The following SAMD12 variants were observed in gnomAD, a reference collection of about 807,000 sequenced individuals.
SAMD12 encodes the protein sterile alpha motif domain containing 12.
Under a neutral mutation model 15.0 loss-of-function variants are expected in SAMD12, and 9 were observed. The ratio of observed to expected loss-of-function variants is 0.60; its 90% CI spans 0.36 to 1.05. The LOEUF (loss-of-function observed/expected upper bound fraction) is 1.05, where lower values mean the gene tolerates loss of function less well. Among genes scored for constraint, SAMD12 ranks in the 50% least tolerant of loss-of-function variants. The probability of loss-of-function intolerance (pLI) is 0.01; values close to 1 mark genes in which losing one functional copy is unlikely to be tolerated. For missense variants in SAMD12, 230 were observed against 234.2 expected (o/e 0.98, Z 0.12); for synonymous variants, 86 against 90.1 (o/e 0.96, Z 0.25).
chr8:118,315,880 T>A (rs1815870826), intron 4 of SAMD12, among the ~76,000 whole-genome samples: 1 of 152,076 alleles, frequency 6.6e-6, no homozygotes, highest in South Asian at 2.1e-4. Context: ...TATTACCAGG[T>A]TTCCCCCTGA....
At chr8:118,297,208 G>A (rs897039698) in intron 4 of SAMD12, among the ~76,000 whole-genome samples, 4 of 152,152 alleles carry the variant, frequency 2.6e-5, no homozygotes, top group African/African-American at 9.7e-5. Context: ...TGTTCACCAT[G>A]GCTCACCATG....
chr8:118,474,176 G>C (rs914899154), intron 2 of SAMD12, among the ~76,000 whole-genome samples: 1 of 152,136 alleles, frequency 6.6e-6, no homozygotes, highest in East Asian at 1.9e-4. Flanking sequence ...GGCCAGGCTG[G>C]TGTCGAACTC....
chr8:118,342,085 T>C (rs1379917112), intron 4 of SAMD12, among the ~76,000 whole-genome samples: 1 of 151,992 alleles, frequency 6.6e-6, no homozygotes, highest in Non-Finnish European at 1.5e-5. Context: ...AGGTCAGGAG[T>C]TCGAGACCAG....
intron 4 of SAMD12, among the ~76,000 whole-genome samples, chr8:118,287,372 G>T (rs1460696606): frequency 6.7e-6 from 1 of 149,012 alleles, no homozygotes; most frequent in Non-Finnish European, 1.5e-5. Context: ...TGATCCGCCC[G>T]CCTCGGCCTC....
At chr8:118,275,102 GTA>G (rs1813441554) in intron 4 of SAMD12, among the ~76,000 whole-genome samples, 1 of 152,084 alleles carries the variant, frequency 6.6e-6, no homozygotes, top group African/African-American at 2.4e-5. Context: ...TATGTCTATT[GTA>G]GACATACTTT....
At chr8:118,229,530 T>C (rs1412690081) in intron 4 of SAMD12, among the ~76,000 whole-genome samples, 4 of 152,128 alleles carry the variant, frequency 2.6e-5, no homozygotes, top group Non-Finnish European at 5.9e-5. Flanking sequence ...CCTTTCTAAC[T>C]TCACTATGGA....
intron 3 of SAMD12, among the ~76,000 whole-genome samples, chr8:118,424,229 T>A (rs1026484966): frequency 1.3e-5 from 2 of 152,200 alleles, no homozygotes; most frequent in African/African-American, 2.4e-5. Flanking sequence ...ATTTATATAA[T>A]TCTTTACATA....
At chr8:118,136,761 T>C in the SAMD12 span, among the ~76,000 whole-genome samples, 1 of 152,318 alleles carries the variant, frequency 6.6e-6, no homozygotes, top group South Asian at 2.1e-4. Flanking sequence ...GGAGTCACTT[T>C]AATGTCTGCT....
intron 2 of SAMD12, among the ~76,000 whole-genome samples, chr8:118,511,271 A>G (rs1035957488): frequency 1.3e-5 from 2 of 152,214 alleles, no homozygotes; most frequent in African/African-American, 4.8e-5. Context: ...ATCGATTCTT[A>G]TTTAGAGGAA....
At chr8:118,133,010 A>G in the SAMD12 span, among the ~76,000 whole-genome samples, 20 of 107,120 alleles carry the variant, frequency 1.9e-4, 1 homozygote, top group African/African-American at 3.1e-4. Flanking sequence ...ATATATATAT[A>G]TATATATATA....
intron 2 of SAMD12, among the ~76,000 whole-genome samples, chr8:118,497,732 G>GGT (rs1824663260): frequency 1.1e-5 from 1 of 93,444 alleles, no homozygotes; most frequent in Non-Finnish European, 2.0e-5. Flanking sequence ...GCGGGGGGGG[G>GGT]TGGGGGGAAA....
Position 118,337,649 on chromosome 8 carries a change from G to A in SAMD12, c.433+41911C>T, listed in dbSNP as rs1001076625. On this transcript the variant is annotated intron_variant, in intron 4 of 4. Transcript: ENST00000409003. ...CCAAAGAGGGACATAAACTCAGCGT[G>A]TATCCACACTGTAGACACTCCCTCC... 4.6e-5 allele frequency among the ~76,000 whole-genome samples: 7 copies of A among 152,302 alleles called. No homozygotes were observed. In the South Asian group the frequency reaches 8.3e-4, roughly 18 times the overall value.
intron 4 of SAMD12, among the ~76,000 whole-genome samples, chr8:118,353,707 T>C (rs1818078490): frequency 6.6e-6 from 1 of 152,186 alleles, no homozygotes; most frequent in South Asian, 2.1e-4. Flanking sequence ...TTTATTTCCA[T>C]TTCCTTTCCC....
In SAMD12 at chr8:118,273,157, C is replaced by T. The variant is rs113028650; in HGVS notation, c.434-75425G>A. Among the ~76,000 whole-genome samples, 203 of 152,184 alleles carry T rather than the reference C, an allele frequency of 1.3e-3. 1 individual carries two copies. The highest frequency in any genetic ancestry group is 3.9e-3 in the African/African-American group (161 of 41,508). On this transcript the variant is annotated intron_variant, in intron 4 of 4. Transcript: ENST00000409003. ...CTCACAGTTCAGCATGCTGGGGAGA[C>T]CTCAGGAAACTTACAATCATAGAAG...
At chr8:118,447,313 T>TC (rs1436173732) in intron 2 of SAMD12, among the ~76,000 whole-genome samples, 1 of 151,988 alleles carries the variant, frequency 6.6e-6, no homozygotes, top group Non-Finnish European at 1.5e-5. Flanking sequence ...TTTTTTTTTT[T>TC]CTTTTTTGAG....
intron 2 of SAMD12, among the ~76,000 whole-genome samples, chr8:118,548,991 G>C (rs1388267974): frequency 6.6e-6 from 1 of 152,268 alleles, no homozygotes; most frequent in Non-Finnish European, 1.5e-5. Flanking sequence ...GCCCGCCATT[G>C]CGCAGGCTTG....
rs112780663 is a variant in SAMD12, at chr8:118,250,503, ATT to A, written c.434-52773_434-52772del. The stretch of plus-strand genomic sequence containing the variant: ...TAAAATGCCAGGAAGGCAAAAATGG[ATT>A]TTTTTTTTTTTTTTTGAGGCAGGGT... On this transcript the variant is annotated intron_variant, in intron 4 of 4. Transcript: ENST00000409003. 2.9e-3 allele frequency among the ~76,000 whole-genome samples: 407 copies of A among 138,674 alleles called. 1 individual carries two copies. Among genetic ancestry groups the A allele is most frequent in the African/African-American group, 9.4e-3 (357 of 37,966 alleles). The allele number at this position is 138,674 out of a possible 152,430, so 91.0% of individuals were successfully genotyped here. A position where few individuals can be genotyped will look rare whatever the true frequency, so the allele number is the denominator to read the frequency against.
intron 4 of SAMD12, among the ~76,000 whole-genome samples, chr8:118,276,785 G>A (rs970449672): frequency 6.6e-6 from 1 of 152,120 alleles, no homozygotes; most frequent in Non-Finnish European, 1.5e-5. Flanking sequence ...TGAGTTTCCT[G>A]CCTCAACTTC....
rs1438078099 is a variant in SAMD12 at position 118,434,861 on chromosome 8, G to A, written c.322+4971C>T. Reference sequence around the variant, plus strand: ...CACGCCTGTAATCCCAGCACTTTGGGAGGCCGAGGCGGGCGGATCACGAGG... The same window carrying A: ...CACGCCTGTAATCCCAGCACTTTGGAAGGCCGAGGCGGGCGGATCACGAGG... On this transcript the variant is annotated intron_variant, in intron 3 of 3. Transcript: ENST00000314727. 7.9e-5 allele frequency among the ~76,000 whole-genome samples: 2 copies of A among 25,428 alleles called. 1 individual carries two copies. Among genetic ancestry groups the A allele is most frequent in the East Asian group, 1.4e-3 (2 of 1,392 alleles). The allele number at this position is 25,428 out of a possible 152,430, so 16.7% of individuals were successfully genotyped here.
Sources: allele counts gnomAD v4.1 joint callset (sites outside exome capture counted in the v4.1 genomes callset), GRCh38; gene constraint gnomAD v4.1.1; transcripts MANE v1.5; gene names NCBI Gene and HGNC (gene_info 2026-07-23, HGNC 2026-07-21).